Variants in BCL11A observed in about 807,000 individuals in gnomAD.
BCL11A encodes BCL11 transcription factor A, also known as B cell CLL/lymphoma 11A.
Under a neutral mutation model 55.9 loss-of-function variants are expected in BCL11A, and 2 were observed. The ratio of observed to expected loss-of-function variants is 0.04; its 90% CI spans 0.01 to 0.11. The LOEUF is 0.11. Among genes scored for constraint, BCL11A ranks in the 10% least tolerant of loss-of-function variants. The pLI is 1.00. For synonymous variants in BCL11A, 465 were observed against 473.4 expected (o/e 0.98, Z 0.23); for missense variants, 817 against 1,137.1 (o/e 0.72, Z 4.05).
Position 60,546,317 on chromosome 2 carries a change from A to G in BCL11A, c.56-17T>C. ...GAGGCTCGGCTGTGGTTGGAGAAAC[A>G]AAAGCACAATTATTAGAGTGCCAGA... On this transcript the variant is annotated splice_polypyrimidine_tract_variant and intron_variant, in intron 1 of 3. Transcript: ENST00000642384. The surrounding 1 kb of genome is among the most constrained non-coding windows in gnomAD (Gnocchi z 4.1). 1 of 1,607,632 alleles carries G rather than the reference A, an allele frequency of 6.2e-7. No homozygotes were observed. The highest frequency in any genetic ancestry group is 8.5e-7 in the Non-Finnish European group (1 of 1,175,842).
chr2:60,494,478 A>G (rs1322560201), intron 2 of BCL11A, among the ~76,000 whole-genome samples: 2 of 152,246 alleles, frequency 1.3e-5, no homozygotes, highest in Non-Finnish European at 2.9e-5. Context: ...GAAACGGCCC[A>G]GAGCTCAGTG....
intron 2 of BCL11A, chr2:60,527,370 G>A (rs1173391744): frequency 6.6e-6 from 1 of 152,208 alleles, no homozygotes; most frequent in Non-Finnish European, 1.5e-5. Context: ...CTCTTCCAGG[G>A]TGACAAGGGA....
intron 2 of BCL11A, among the ~76,000 whole-genome samples, chr2:60,529,537 T>C (rs74935236): frequency 1.9e-3 from 294 of 152,314 alleles, no homozygotes; most frequent in African/African-American, 6.8e-3. Flanking sequence ...CCCTCCTCCC[T>C]TTCTTACCAG....
intron 3 of BCL11A, among the ~76,000 whole-genome samples, chr2:60,462,625 T>C (rs946193789): frequency 6.6e-6 from 1 of 152,130 alleles, no homozygotes; most frequent in African/African-American, 2.4e-5. Context: ...CTTCCTGCCA[T>C]TAAACTCAGT....
intron 1 of BCL11A, chr2:60,550,976 TGGGGAGAGGGA>T: frequency 8.6e-6 from 1 of 116,232 alleles, no homozygotes; most frequent in Non-Finnish European, 1.6e-5. Flanking sequence ...TGCGAGGGGG[TGGGGAGAGGGA>T]GGGCCGCGCA....
chr2:60,536,184 T>G (rs1287886235), intron 2 of BCL11A: 1 of 152,194 alleles, frequency 6.6e-6, no homozygotes, highest in Non-Finnish European at 1.5e-5. Context: ...GGGATTTCAT[T>G]TGAACTGCTA....
intron 2 of BCL11A, among the ~76,000 whole-genome samples, chr2:60,519,847 A>G (rs1390239802): frequency 6.6e-6 from 1 of 152,248 alleles, no homozygotes; most frequent in African/African-American, 2.4e-5. Context: ...GAAGACAAAG[A>G]GATCGTTTTC....
intron 2 of BCL11A, among the ~76,000 whole-genome samples, chr2:60,539,408 T>C (rs150971038): frequency 7.9e-4 from 120 of 152,330 alleles, no homozygotes; most frequent in African/African-American, 2.5e-3. Context: ...CTCAATGCCA[T>C]TGCAGAATGA....
chr2:60,500,417 G>T (rs906593843), intron 2 of BCL11A, among the ~76,000 whole-genome samples: 1 of 152,194 alleles, frequency 6.6e-6, no homozygotes, highest in African/African-American at 2.4e-5. Context: ...TCAGAGAAGG[G>T]CAGGGAGCAG....
At chr2:60,517,318 A>C (rs927260209) in intron 2 of BCL11A, among the ~76,000 whole-genome samples, 4 of 152,192 alleles carry the variant, frequency 2.6e-5, no homozygotes, top group Non-Finnish European at 4.4e-5. Flanking sequence ...ACACCATGTA[A>C]ACCCCAGAAG....
At chr2:60,493,454 A>G (rs10195871) in intron 2 of BCL11A, among the ~76,000 whole-genome samples, 96,023 of 151,848 alleles carry the variant, frequency 0.63, 32,019 homozygotes, top group African/African-American at 0.7. Context: ...TCCAAACCCT[A>G]TATCCCAGCT....
At chr2:60,509,717 G>A (rs58789059) in intron 2 of BCL11A, among the ~76,000 whole-genome samples, 6,420 of 152,136 alleles carry the variant, frequency 0.042, 437 homozygotes, top group African/African-American at 0.15. Context: ...CAAAGAACTC[G>A]ACTTAAATCA....
chr2:60,536,691 C>G (rs186805958), intron 2 of BCL11A: 1 of 152,214 alleles, frequency 6.6e-6, no homozygotes. Flanking sequence ...TGCCACCCCC[C>G]TGCTGGCAAC....
At chr2:60,498,583 C>G (rs1309532153) in intron 2 of BCL11A, among the ~76,000 whole-genome samples, 1 of 152,236 alleles carries the variant, frequency 6.6e-6, no homozygotes, top group African/African-American at 2.4e-5. Flanking sequence ...CCTCTGGCAC[C>G]TGCATTTGTT....
intron 2 of BCL11A, among the ~76,000 whole-genome samples, chr2:60,488,383 T>C (rs911829948): frequency 6.6e-6 from 1 of 152,210 alleles, no homozygotes; most frequent in Admixed American, 6.5e-5. Context: ...TTTGACAGCA[T>C]TTAAAGATGA....
Position 60,461,854 on chromosome 2 carries a change from G to T in BCL11A, c.1058C>A (p.Pro353His). Residue 353 changes from proline to histidine, a missense_variant, in exon 4 of 4, where the codon CCC becomes CAC. By Grantham distance (77) the Pro-to-His change is moderately conservative. Coordinates refer to ENST00000642384, the MANE Select transcript of BCL11A (RefSeq NM_022893.4). ...LQPFQPGSKP[P>H]FLATPPLPPL... ...AGGGAGGGGGGGCGTCGCCAGGAAGGGCGGCTTGCTACCTGGCTGGAATGG... is the reference window on the plus strand; with the variant it reads ...AGGGAGGGGGGGCGTCGCCAGGAAGTGCGGCTTGCTACCTGGCTGGAATGG... The T allele has an allele frequency of 6.2e-7, 1 of 1,613,898 alleles. No individual in the cohort carries two copies. Among genetic ancestry groups the T allele is most frequent in the Non-Finnish European group, 8.5e-7 (1 of 1,179,828 alleles).
At chr2:60,541,740 G>T in intron 2 of BCL11A, 1 of 522,526 alleles carries the variant, frequency 1.9e-6, no homozygotes, top group South Asian at 3.1e-5. Context: ...GTTTTTTGTG[G>T]TAGTGGTGTT....
intron 2 of BCL11A, among the ~76,000 whole-genome samples, chr2:60,518,579 G>T (rs779536048): frequency 4.6e-5 from 7 of 152,178 alleles, no homozygotes. Context: ...GGCATGGGGG[G>T]ACAAGGCAGG....
In BCL11A at chr2:60,460,971, G is replaced by A. The variant is rs1397387733; in HGVS notation, c.1941C>T (p.Ala647=). ...KLEKEFDLPP[A]AMPNTENVYS... ...ACACGTTCTCCGTGTTGGGCATCGC[G>A]GCCGGGGGCAGGTCGAACTCCTTCT... Residue 647 remains alanine, a synonymous_variant, in exon 4 of 4, where the codon GCC becomes GCT. Coordinates refer to ENST00000642384, the MANE Select transcript of BCL11A (RefSeq NM_022893.4). 1 of 1,610,344 alleles carries A rather than the reference G, an allele frequency of 6.2e-7. No homozygotes were observed. The highest frequency in any genetic ancestry group is 8.5e-7 in the Non-Finnish European group (1 of 1,178,084).
Sources: gnomAD v4.1 joint callset for allele counts (sites outside exome capture counted in the v4.1 genomes callset) on GRCh38, gnomAD v4.1.1 for gene constraint, Gnocchi (gnomAD v3.1) non-coding constraint, MANE v1.5 for transcripts, NCBI Gene and HGNC (gene_info 2026-07-23, HGNC 2026-07-21) for gene names.